CADM2: variants seen among roughly 807,000 people sequenced by gnomAD.
CADM2 encodes the protein immunoglobulin superfamily member 4D.
A neutral mutation model predicts 49.8 loss-of-function variants in CADM2; 12 were observed. That is an observed-to-expected ratio of 0.24 (90% CI 0.15 to 0.39). The LOEUF is 0.39. Ranked by LOEUF, CADM2 falls within the 10% of genes least tolerant of loss-of-function variation. The pLI is 1.00. For synonymous variants in CADM2, 214 were observed against 175.4 expected, an observed-to-expected ratio of 1.22 and a Z score of -1.74; for missense variants, 378 against 492.3, an observed-to-expected ratio of 0.77 and a Z score of 2.20.
intron 1 of CADM2, among the ~76,000 whole-genome samples, chr3:85,336,018 C>T (rs1379284809): frequency 6.6e-6 from 1 of 151,478 alleles, no homozygotes; most frequent in Admixed American, 6.6e-5. Flanking sequence ...AAACCGTGAA[C>T]ATATTGGTCC....
intron 1 of CADM2, among the ~76,000 whole-genome samples, chr3:85,129,647 T>A (rs2039159953): frequency 6.6e-6 from 1 of 152,140 alleles, no homozygotes; most frequent in Non-Finnish European, 1.5e-5. Flanking sequence ...TTGGAAAAAA[T>A]GAATGCTGGT....
intron 3 of CADM2, among the ~76,000 whole-genome samples, chr3:85,882,343 A>G (rs1712943512): frequency 6.6e-6 from 1 of 152,008 alleles, no homozygotes; most frequent in Non-Finnish European, 1.5e-5. Flanking sequence ...GTCTCTCCTG[A>G]TATTGTTGGA....
chr3:85,550,270 G>A (rs1164937017), intron 1 of CADM2, among the ~76,000 whole-genome samples: 1 of 152,162 alleles, frequency 6.6e-6, no homozygotes, highest in East Asian at 1.9e-4. Flanking sequence ...TTCAAGGACA[G>A]TAAGCCATGT....
intron 1 of CADM2, among the ~76,000 whole-genome samples, chr3:85,566,767 T>C (rs1177846566): frequency 6.6e-6 from 1 of 152,210 alleles, no homozygotes; most frequent in Non-Finnish European, 1.5e-5. Context: ...TGCATCATCA[T>C]TTGATAATCA....
rs116651441 is a variant in CADM2 at position 85,447,243 on chromosome 3, T to C, written c.62-279279T>C. On this transcript the variant is annotated intron_variant, in intron 1 of 9. Transcript: ENST00000383699. ...CTACATCATCCTAGAAACTGTTGGG[T>C]GACTTCCAGTGGATATATGGAATGT... Among the ~76,000 whole-genome samples the C allele has an allele frequency of 9.1e-3, 1,379 of 151,722 alleles. 20 individuals are homozygous for C. The highest frequency in any genetic ancestry group is 0.03 in the African/African-American group (1,249 of 41,434).
intron 1 of CADM2, among the ~76,000 whole-genome samples, chr3:85,146,192 G>A (rs75347920): frequency 0.031 from 4,654 of 152,128 alleles, 101 homozygotes; most frequent in East Asian, 0.044. Flanking sequence ...TGGCATCAAT[G>A]GATTTTTACA....
intron 1 of CADM2, among the ~76,000 whole-genome samples, chr3:84,998,449 C>T (rs2033287611): frequency 1.3e-5 from 2 of 152,002 alleles, no homozygotes; most frequent in Non-Finnish European, 2.9e-5. Flanking sequence ...GCCTGAAGTA[C>T]AGAACTGAAA....
chr3:85,932,085 A>G (rs2108529474), intron 6 of CADM2, among the ~76,000 whole-genome samples: 1 of 151,642 alleles, frequency 6.6e-6, no homozygotes. Flanking sequence ...ACCATTTACT[A>G]TTTTGGCAAA....
intron 1 of CADM2, among the ~76,000 whole-genome samples, chr3:85,458,056 T>G (rs188861533): frequency 3.3e-4 from 50 of 152,350 alleles, no homozygotes; most frequent in African/African-American, 1.2e-3. Flanking sequence ...TGTTTCATGG[T>G]CTACATCAAC....
chr3:85,226,129 C>G (rs2042154930), intron 1 of CADM2, among the ~76,000 whole-genome samples: 1 of 152,102 alleles, frequency 6.6e-6, no homozygotes, highest in Non-Finnish European at 1.5e-5. Context: ...ATGCTGGCCT[C>G]TTAAAATCAG....
intron 1 of CADM2, among the ~76,000 whole-genome samples, chr3:85,532,912 C>T (rs1330158503): frequency 6.6e-6 from 1 of 152,068 alleles, no homozygotes; most frequent in Non-Finnish European, 1.5e-5. Flanking sequence ...GAACGGAAAA[C>T]CAAATACCAC....
intron 1 of CADM2, among the ~76,000 whole-genome samples, chr3:85,160,567 C>T (rs2040291649): frequency 6.6e-6 from 1 of 152,098 alleles, no homozygotes; most frequent in South Asian, 2.1e-4. Flanking sequence ...AAAAAAATAT[C>T]TACTGTGTAA....
intron 1 of CADM2, among the ~76,000 whole-genome samples, chr3:85,108,057 T>C (rs2038314309): frequency 6.6e-6 from 1 of 152,126 alleles, no homozygotes; most frequent in South Asian, 2.1e-4. Flanking sequence ...TGATCCAGCA[T>C]TTCCATCTCT....
chr3:85,757,631 G>A (rs1577240200), intron 2 of CADM2, among the ~76,000 whole-genome samples: 1 of 152,122 alleles, frequency 6.6e-6, no homozygotes, highest in East Asian at 1.9e-4. Flanking sequence ...ATACTGAAGG[G>A]ATGGGCTACT....
chr3:85,806,539 C>T (rs1241836177), intron 3 of CADM2, among the ~76,000 whole-genome samples: 1 of 152,112 alleles, frequency 6.6e-6, no homozygotes, highest in Admixed American at 6.6e-5. Context: ...TCAGTTGAAT[C>T]AAGTAAAGGA....
At chr3:85,410,635 T>C (rs1243947677) in intron 1 of CADM2, among the ~76,000 whole-genome samples, 3 of 152,176 alleles carry the variant, frequency 2.0e-5, no homozygotes, top group African/African-American at 7.2e-5. Flanking sequence ...CCGAAACAGT[T>C]AAAAAGAGTT....
At chr3:85,906,340 T>G (rs1716810365) in intron 5 of CADM2, among the ~76,000 whole-genome samples, 1 of 152,144 alleles carries the variant, frequency 6.6e-6, no homozygotes, top group Non-Finnish European at 1.5e-5. Context: ...ATGAAAAGCA[T>G]TGACATTTTA....
intron 1 of CADM2, among the ~76,000 whole-genome samples, chr3:85,563,201 A>G (rs1336943534): frequency 1.3e-5 from 2 of 152,176 alleles, no homozygotes; most frequent in African/African-American, 2.4e-5. Flanking sequence ...AGAGTCACAT[A>G]AAGTTCACTC....
intron 1 of CADM2, among the ~76,000 whole-genome samples, chr3:85,685,272 A>G (rs780134175): frequency 2.0e-5 from 3 of 152,182 alleles, no homozygotes; most frequent in Non-Finnish European, 4.4e-5. Flanking sequence ...CCAGGTAGGC[A>G]TGTCCCCTTG....
Sources: allele counts gnomAD v4.1 joint callset (sites outside exome capture counted in the v4.1 genomes callset), GRCh38; gene constraint gnomAD v4.1.1; transcripts MANE v1.5; gene names NCBI Gene and HGNC (gene_info 2026-07-23, HGNC 2026-07-21).